PIEZO2: variants seen among roughly 807,000 people sequenced by gnomAD.
PIEZO2 encodes the protein piezo type mechanosensitive ion channel component 2, also known as piezo-type mechanosensitive ion channel component 2.
In PIEZO2, 172 loss-of-function variants were observed where a neutral mutation model predicts 337.3. The observed-to-expected ratio is 0.51, with a 90% CI of 0.45 to 0.58. PIEZO2 has a LOEUF of 0.58. PIEZO2 is among the 20% of genes least tolerant of loss of function. The probability of loss-of-function intolerance (pLI) is 0.00; values close to 1 mark genes in which losing one functional copy is unlikely to be tolerated. For missense variants in PIEZO2, 3,028 were observed against 3,391.3 expected, an observed-to-expected ratio of 0.89 and a Z score of 2.66; for synonymous variants, 1,251 against 1,228.5, an observed-to-expected ratio of 1.02 and a Z score of -0.38.
chr18:10,682,053 G>C lies in PIEZO2; in HGVS notation c.7686+51C>G. The C allele has an allele frequency of 1.4e-6, 2 of 1,469,550 alleles. No homozygotes were observed. Among genetic ancestry groups the C allele is most frequent in the Non-Finnish European group, 9.1e-7 (1 of 1,102,042 alleles). The allele number at this position is 1,469,550 out of a possible 1,614,324, so 91.0% of individuals were successfully genotyped here. A position where few individuals can be genotyped will look rare whatever the true frequency, so the allele number is the denominator to read the frequency against. On this transcript the variant is annotated intron_variant, in intron 50 of 55. Coordinates refer to ENST00000674853, the MANE Select transcript of PIEZO2 (RefSeq NM_001378183.1). The surrounding 1 kb of genome is among the most constrained non-coding windows in gnomAD (Gnocchi z 5.6). ...CACCCTACAGACAGCTATCATAAAG[G>C]AATGTGGCGTGGGGCAAGGCTCTGG...
chr18:10,720,419 GTATATA>G (rs74177567), intron 36 of PIEZO2, among the ~76,000 whole-genome samples: 170 of 9,198 alleles, frequency 0.018, 7 homozygotes, highest in South Asian at 0.032. Flanking sequence ...GTATGTGTAT[GTATATA>G]TATATATATA....
At chr18:10,832,848 A>G (rs776312121) in intron 7 of PIEZO2, among the ~76,000 whole-genome samples, 1 of 152,108 alleles carries the variant, frequency 6.6e-6, no homozygotes, top group Non-Finnish European at 1.5e-5. Flanking sequence ...CCCAGGGATA[A>G]GCATTTATTT....
At position 10,872,682 on chromosome 18, in the gene PIEZO2, G is replaced by A. The variant is rs1214949919; in HGVS notation, c.330-1267C>T. 1.3e-5 allele frequency among the ~76,000 whole-genome samples: 2 copies of A among 152,192 alleles called. No individual in the cohort carries two copies. The highest frequency in any genetic ancestry group is 2.4e-5 in the African/African-American group (1 of 41,436). On this transcript the variant is annotated intron_variant, in intron 4 of 55. Coordinates refer to ENST00000674853, the MANE Select transcript of PIEZO2 (RefSeq NM_001378183.1). This position sits in a 1 kb window ranked among gnomAD's most constrained non-coding sequence, Gnocchi z 4.3. Reference sequence around the variant, plus strand: ...CAGTGCTCTAGTGATGTGTAGTGCTGTAACCACAGTACCTATTACTATTAT... The same window carrying A: ...CAGTGCTCTAGTGATGTGTAGTGCTATAACCACAGTACCTATTACTATTAT...
rs1209724425 is a variant in PIEZO2, at chr18:10,955,179, G to A, written c.286+24356C>T. Among the ~76,000 whole-genome samples the A allele has an allele frequency of 6.6e-5, 10 of 152,252 alleles. No individual in the cohort carries two copies. In the South Asian group the frequency reaches 1.7e-3, roughly 25 times the overall value. ...TTTTGTGCTGGAATTGAAATTGTGG[G>A]TTTAAACAGAAAGAGTTTCTAAAAC... is the stretch of plus-strand genomic sequence containing the variant. On this transcript the variant is annotated intron_variant, in intron 3 of 55. Transcript: ENST00000674853.
intron 7 of PIEZO2, among the ~76,000 whole-genome samples, chr18:10,812,659 G>T (rs1488411092): frequency 6.6e-6 from 1 of 152,042 alleles, no homozygotes; most frequent in African/African-American, 2.4e-5. Flanking sequence ...CGGCTCTGGG[G>T]GCCTCCATGG....
intron 2 of PIEZO2, among the ~76,000 whole-genome samples, chr18:11,034,764 C>T (rs1371345819): frequency 1.3e-5 from 2 of 152,066 alleles, no homozygotes; most frequent in Admixed American, 6.5e-5. Context: ...AGAATCGCTT[C>T]AACCTGGGAG....
intron 2 of PIEZO2, among the ~76,000 whole-genome samples, chr18:11,008,521 C>T (rs1343265436): frequency 6.6e-6 from 1 of 152,138 alleles, no homozygotes; most frequent in African/African-American, 2.4e-5. Flanking sequence ...CTGTCTTTGG[C>T]TATCCACTAG....
At chr18:10,715,614 G>T in intron 38 of PIEZO2, 36 bp downstream of exon 38, 1 of 1,475,992 alleles carries the variant, frequency 6.8e-7, no homozygotes, top group Non-Finnish European at 9.0e-7. Flanking sequence ...TTCTTAATGT[G>T]GGAAGGAGCA....
intron 7 of PIEZO2, among the ~76,000 whole-genome samples, chr18:10,816,669 GAAA>G (rs36064839): frequency 0.19 from 28,161 of 151,448 alleles, 2,690 homozygotes; most frequent in South Asian, 0.26. Flanking sequence ...TACCCAAAAG[GAAA>G]AAAAATTGGT....
At chr18:11,045,475 A>G (rs2037278242) in intron 2 of PIEZO2, among the ~76,000 whole-genome samples, 1 of 152,188 alleles carries the variant, frequency 6.6e-6, no homozygotes. Flanking sequence ...CCTAGACAGC[A>G]CTTCAGCACC....
In PIEZO2 at chr18:10,783,239, T is replaced by A. The variant is rs1198470661; in HGVS notation, c.2492+1545A>T. Among the ~76,000 whole-genome samples, 1 of 152,228 alleles carries A rather than the reference T, an allele frequency of 6.6e-6. No individual in the cohort carries two copies. The highest frequency in any genetic ancestry group is 1.5e-5 in the Non-Finnish European group (1 of 68,040). ...TGGCTCTGCTAACTAAAATACTTTG[T>A]AATTATTGAATAGGGCCCTTGAAAA... is the stretch of plus-strand genomic sequence containing the variant. On this transcript the variant is annotated intron_variant, in intron 17 of 55. Coordinates refer to ENST00000674853, the MANE Select transcript of PIEZO2 (RefSeq NM_001378183.1). The surrounding 1 kb of genome is among the most constrained non-coding windows in gnomAD (Gnocchi z 4.3).
At chr18:10,904,323 G>A (rs545654501) in intron 4 of PIEZO2, among the ~76,000 whole-genome samples, 10 of 152,284 alleles carry the variant, frequency 6.6e-5, no homozygotes, top group South Asian at 2.1e-4. Context: ...CCGAGTTACC[G>A]CTTGCTTTTG....
At chr18:10,827,982 G>C (rs2040726772) in intron 7 of PIEZO2, among the ~76,000 whole-genome samples, 1 of 152,046 alleles carries the variant, frequency 6.6e-6, no homozygotes, top group South Asian at 2.1e-4. Flanking sequence ...TAAATCTCAT[G>C]GACAAAAGTC....
Position 10,846,657 on chromosome 18 carries a change from G to A in PIEZO2, c.917+8696C>T, listed in dbSNP as rs184729219. On this transcript the variant is annotated intron_variant, in intron 7 of 55. Coordinates refer to ENST00000674853, the MANE Select transcript of PIEZO2 (RefSeq NM_001378183.1). This position sits in a 1 kb window ranked among gnomAD's most constrained non-coding sequence, Gnocchi z 4.1. ...GAAGGGATTATTATGGCCCAATGCA[G>A]CTGGTGTTATAAAGCAAGTTTGCAC... Among the ~76,000 whole-genome samples, 32 of 152,248 alleles carry A rather than the reference G, an allele frequency of 2.1e-4. No individual in the cohort carries two copies. Among genetic ancestry groups the A allele is most frequent in the Admixed American group, 1.8e-3 (27 of 15,296 alleles).
rs1045276268 is a variant in PIEZO2 at position 11,028,067 on chromosome 18, G to A, written c.160+38060C>T. On this transcript the variant is annotated intron_variant, in intron 2 of 55. Coordinates refer to ENST00000674853, the MANE Select transcript of PIEZO2 (RefSeq NM_001378183.1). This position sits in a 1 kb window ranked among gnomAD's most constrained non-coding sequence, Gnocchi z 4.8. ...TCCAAGCACCGTCACAGAGGGACAA[G>A]CAGTAGCTGCTTCTGTTGCTAGATC... is the stretch of plus-strand genomic sequence containing the variant. 2.0e-5 allele frequency among the ~76,000 whole-genome samples: 3 copies of A among 152,198 alleles called. No homozygotes were observed. The highest frequency in any genetic ancestry group is 7.2e-5 in the African/African-American group (3 of 41,452).
chr18:10,977,001 ATG>A (rs59666101), intron 3 of PIEZO2, among the ~76,000 whole-genome samples: 2,086 of 142,884 alleles, frequency 0.015, 44 homozygotes, highest in African/African-American at 0.049. Context: ...AAGAACAAAT[ATG>A]TGTGTGTGTG....
At chr18:11,020,922 A>C (rs982310848) in intron 2 of PIEZO2, among the ~76,000 whole-genome samples, 1 of 152,220 alleles carries the variant, frequency 6.6e-6, no homozygotes, top group Non-Finnish European at 1.5e-5. Flanking sequence ...AGAAGTAAAC[A>C]ACCCCTCTCC....
Position 10,813,274 on chromosome 18 carries a change from C to A in PIEZO2, c.918-6000G>T, listed in dbSNP as rs988691305. 6.6e-6 allele frequency among the ~76,000 whole-genome samples: 1 copy of A among 152,122 alleles called. No homozygotes were observed. The highest frequency in any genetic ancestry group is 2.4e-5 in the African/African-American group (1 of 41,414). The stretch of plus-strand genomic sequence containing the variant: ...CATTACAGGAGTGAGCCACCGCGCC[C>A]GGGCCATTTTAAACATTTTTAAGAA... On this transcript the variant is annotated intron_variant, in intron 7 of 55. Transcript: ENST00000674853. This position sits in a 1 kb window ranked among gnomAD's most constrained non-coding sequence, Gnocchi z 4.2.
At chr18:11,018,434 T>TGTGTGTGTGTGTGTGTGTGTG (rs1215513468) in intron 2 of PIEZO2, among the ~76,000 whole-genome samples, 1 of 124,996 alleles carries the variant, frequency 8.0e-6, no homozygotes, top group East Asian at 2.3e-4. Flanking sequence ...TGTGTGTGTG[T>TGTGTGTGTGTGTGTGTGTGTG]TGAAATAAAG....
Sources: gnomAD v4.1 joint callset for allele counts (sites outside exome capture counted in the v4.1 genomes callset) on GRCh38, gnomAD v4.1.1 for gene constraint, Gnocchi (gnomAD v3.1) non-coding constraint, MANE v1.5 for transcripts, NCBI Gene and HGNC (gene_info 2026-07-23, HGNC 2026-07-21) for gene names.